Variants in ADAM22 observed in about 807,000 individuals in gnomAD.
ADAM22 encodes ADAM metallopeptidase domain 22.
ADAM22 carries 65 observed loss-of-function variants against 144.6 expected under a neutral mutation model. The ratio of observed to expected loss-of-function variants is 0.45; its 90% confidence interval spans 0.37 to 0.55. The LOEUF (loss-of-function observed/expected upper bound fraction) is 0.55. ADAM22 is among the 20% of genes least tolerant of loss of function. The pLI is 0.00. For synonymous variants in ADAM22, 391 were observed against 412.6 expected (o/e 0.95, Z 0.63); for missense variants, 974 against 1,184.9 (o/e 0.82, Z 2.61).
At chr7:88,121,918 GA>G (rs1191866584) in intron 7 of ADAM22, among the ~76,000 whole-genome samples, 1 of 152,152 alleles carries the variant, frequency 6.6e-6, no homozygotes, top group Non-Finnish European at 1.5e-5. Flanking sequence ...ATTATGTACA[GA>G]AAAATTAGAA....
intron 23 of ADAM22, 92 bp downstream of exon 23, chr7:88,163,272 A>T: frequency 9.0e-7 from 1 of 1,110,740 alleles, no homozygotes; most frequent in East Asian, 3.1e-5. Flanking sequence ...ATTATGGAAA[A>T]AAATGATTTT....
chr7:88,124,967 A>G (rs1830080063), intron 7 of ADAM22, among the ~76,000 whole-genome samples: 1 of 151,958 alleles, frequency 6.6e-6, no homozygotes. Flanking sequence ...CCCTGTGGAA[A>G]GATTGCAGCT....
chr7:88,161,596 T>C (rs764122661), intron 22 of ADAM22, among the ~76,000 whole-genome samples: 1 of 152,072 alleles, frequency 6.6e-6, no homozygotes, highest in Admixed American at 6.6e-5. Context: ...ATCCAGCATC[T>C]ATGAGGAACT....
intron 2 of ADAM22, among the ~76,000 whole-genome samples, chr7:87,967,517 A>T (rs1046052347): frequency 2.0e-5 from 3 of 152,112 alleles, no homozygotes; most frequent in Non-Finnish European, 4.4e-5. Flanking sequence ...CCTCATTTAA[A>T]AAAACAGTAT....
chr7:88,076,911 A>C (rs1408620663), intron 4 of ADAM22, among the ~76,000 whole-genome samples: 2 of 152,244 alleles, frequency 1.3e-5, no homozygotes, highest in Non-Finnish European at 2.9e-5. Flanking sequence ...AATTAGATAA[A>C]TGCTCATTTT....
At chr7:88,107,687 A>G (rs1824804918) in intron 4 of ADAM22, among the ~76,000 whole-genome samples, 1 of 151,922 alleles carries the variant, frequency 6.6e-6, no homozygotes, top group Non-Finnish European at 1.5e-5. Flanking sequence ...CTGGGTTCAA[A>G]TGATCCTCCT....
chr7:87,963,517 T>C (rs969688091), intron 2 of ADAM22, among the ~76,000 whole-genome samples: 3 of 152,128 alleles, frequency 2.0e-5, no homozygotes, highest in Non-Finnish European at 4.4e-5. Context: ...AATCAAGATA[T>C]CTTGTAGGAA....
chr7:88,145,429 A>G lies in ADAM22; in HGVS notation c.1407A>G (p.Glu469=). ...DCGTPAECVL[E]GAECCKKCTL... Reference sequence around the variant, plus strand: ...ATATTCCTTAGGAATGTGTCCTTGAAGGAGCAGAGTGTTGTAAGAAATGCA... The same window carrying G: ...ATATTCCTTAGGAATGTGTCCTTGAGGGAGCAGAGTGTTGTAAGAAATGCA... Residue 469 remains glutamate, a synonymous_variant, in exon 17 of 32, where the codon GAA becomes GAG. Coordinates refer to ENST00000413139, the MANE Select transcript of ADAM22 (RefSeq NM_001324418.2). The G allele has an allele frequency of 6.2e-7, 1 of 1,613,524 alleles. No individual in the cohort carries two copies. Among genetic ancestry groups the G allele is most frequent in the Non-Finnish European group, 8.5e-7 (1 of 1,179,530 alleles).
At chr7:88,167,673 C>A (rs1296153966) in intron 24 of ADAM22, among the ~76,000 whole-genome samples, 1 of 152,152 alleles carries the variant, frequency 6.6e-6, no homozygotes, top group Non-Finnish European at 1.5e-5. Context: ...TGTTTTCTCC[C>A]TTAAGAAGCT....
At chr7:87,948,595 T>C (rs1844273886) in intron 2 of ADAM22, among the ~76,000 whole-genome samples, 1 of 152,228 alleles carries the variant, frequency 6.6e-6, no homozygotes, top group South Asian at 2.1e-4. Context: ...CATGTCATTT[T>C]TCAAAGTCTT....
chr7:87,949,086 G>A (rs1049797522), intron 2 of ADAM22, among the ~76,000 whole-genome samples: 2 of 152,144 alleles, frequency 1.3e-5, no homozygotes, highest in African/African-American at 2.4e-5. Context: ...GGAGAGGATC[G>A]TGGACCTCAT....
At chr7:88,010,397 G>GT (rs1795085755) in intron 3 of ADAM22, among the ~76,000 whole-genome samples, 1 of 152,166 alleles carries the variant, frequency 6.6e-6, no homozygotes, top group African/African-American at 2.4e-5. Flanking sequence ...CCACTGGAAG[G>GT]TAAGCAGGTT....
chr7:88,081,941 C>T (rs1816792211), intron 4 of ADAM22, among the ~76,000 whole-genome samples: 1 of 151,646 alleles, frequency 6.6e-6, no homozygotes, highest in African/African-American at 2.4e-5. Context: ...CGATGCCATC[C>T]CCATCAAGCT....
At chr7:87,957,946 T>TAAATGTCTA (rs1847177430) in intron 2 of ADAM22, among the ~76,000 whole-genome samples, 1 of 152,218 alleles carries the variant, frequency 6.6e-6, no homozygotes, top group Non-Finnish European at 1.5e-5. Flanking sequence ...TGTGTGTATT[T>TAAATGTCTA]AAATGTCTAT....
At chr7:88,018,229 T>C (rs1796980615) in intron 3 of ADAM22, among the ~76,000 whole-genome samples, 1 of 152,190 alleles carries the variant, frequency 6.6e-6, no homozygotes, top group Non-Finnish European at 1.5e-5. Context: ...CCTTCCTTTT[T>C]TGTCCTTTGA....
chr7:88,191,834 T>C (rs1849688969), intron 30 of ADAM22, among the ~76,000 whole-genome samples: 1 of 152,210 alleles, frequency 6.6e-6, no homozygotes, highest in Non-Finnish European at 1.5e-5. Context: ...AAGTGAATTG[T>C]ACCATTCTTC....
chr7:88,087,498 C>CT (rs1300024544), intron 4 of ADAM22, among the ~76,000 whole-genome samples: 1 of 152,098 alleles, frequency 6.6e-6, no homozygotes, highest in African/African-American at 2.4e-5. Flanking sequence ...TTTTAGAAAA[C>CT]TAAGAGAGGA....
chr7:88,009,326 A>G (rs997570520), intron 3 of ADAM22, among the ~76,000 whole-genome samples: 3 of 152,220 alleles, frequency 2.0e-5, no homozygotes, highest in Non-Finnish European at 2.9e-5. Context: ...ACTTCTCTTC[A>G]TAATTAGATT....
Position 88,163,055 on chromosome 7 carries a change from G to A in ADAM22, c.1951G>A (p.Val651Met). The A allele has an allele frequency of 6.2e-7, 1 of 1,611,120 alleles. No individual in the cohort carries two copies. Among genetic ancestry groups the A allele is most frequent in the Non-Finnish European group, 8.5e-7 (1 of 1,178,688 alleles). ...TGAAGAAGATGTAGATCTTGGCTAT[G>A]TGGAAGATGGGACACCTTGTGGTCC... ...KLEEDVDLGY[V>M]EDGTPCGPQM... The change falls in exon 23 of 32, where the codon GTG becomes ATG. Residue 651 changes from valine (V) to methionine (M), a missense_variant. Physicochemically the swap from Val to Met is conservative, Grantham distance 21. Around this residue, in one of 2 missense-constraint regions of ADAM22, gnomAD observed 734 missense variants for 950.6 expected, o/e 0.77. Transcript: ENST00000413139.
Sources: allele counts gnomAD v4.1 joint callset (sites outside exome capture counted in the v4.1 genomes callset), GRCh38; gene constraint gnomAD v4.1.1; regional missense constraint gnomAD v4.1.1; transcripts MANE v1.5; gene names NCBI Gene and HGNC (gene_info 2026-07-23, HGNC 2026-07-21).